MTUS2: variants seen among roughly 807,000 people sequenced by gnomAD.
MTUS2 encodes the protein microtubule-associated tumor suppressor candidate 2.
In MTUS2, 40 loss-of-function variants were observed where a neutral mutation model predicts 114.1. The observed-to-expected ratio is 0.35, with a 90% CI of 0.27 to 0.46. MTUS2 has a LOEUF of 0.46. Among genes scored for constraint, MTUS2 ranks in the 20% least tolerant of loss-of-function variants. The pLI is 1.00. For synonymous variants in MTUS2, 688 were observed against 672.0 expected (o/e 1.02, Z -0.37); for missense variants, 1,679 against 1,705.4 (o/e 0.98, Z 0.27).
At chr13:29,104,503 T>G (rs958297686) in intron 5 of MTUS2, among the ~76,000 whole-genome samples, 8 of 152,218 alleles carry the variant, frequency 5.3e-5, no homozygotes, top group African/African-American at 1.9e-4. Flanking sequence ...GGGAATGCTC[T>G]TAAGAGCTAG....
At chr13:29,501,559 A>G (rs1882903010) in intron 15 of MTUS2, among the ~76,000 whole-genome samples, 1 of 152,108 alleles carries the variant, frequency 6.6e-6, no homozygotes, top group Non-Finnish European at 1.5e-5. Context: ...GAAATTCACA[A>G]TTTCCATCCA....
At chr13:28,833,049 A>G (rs1874814967) in intron 1 of MTUS2, among the ~76,000 whole-genome samples, 1 of 152,194 alleles carries the variant, frequency 6.6e-6, no homozygotes, top group African/African-American at 2.4e-5. Context: ...GTGACCTATA[A>G]TGAGAAAGGA....
intron 8 of MTUS2, among the ~76,000 whole-genome samples, chr13:29,409,374 T>C (rs1427623160): frequency 6.6e-6 from 1 of 152,232 alleles, no homozygotes; most frequent in Non-Finnish European, 1.5e-5. Context: ...ATCTTTAGCC[T>C]TATATGCTAT....
chr13:29,112,384 G>A (rs1201791779), intron 5 of MTUS2, among the ~76,000 whole-genome samples: 6 of 152,164 alleles, frequency 3.9e-5, no homozygotes, highest in African/African-American at 1.4e-4. Context: ...GTGCTGTGGG[G>A]CTGAGATGTT....
chr13:28,976,621 G>T (rs771569172), intron 2 of MTUS2, among the ~76,000 whole-genome samples: 1 of 152,180 alleles, frequency 6.6e-6, no homozygotes, highest in Non-Finnish European at 1.5e-5. Context: ...TGGAAGTACA[G>T]TAGGAGGAGA....
intron 8 of MTUS2, among the ~76,000 whole-genome samples, chr13:29,389,193 A>G (rs988300474): frequency 4.0e-5 from 6 of 150,004 alleles, no homozygotes; most frequent in Middle Eastern, 3.6e-3. Context: ...CTATATATCT[A>G]TATAGATATA....
At chr13:29,454,949 A>C (rs1280330793) in intron 9 of MTUS2, among the ~76,000 whole-genome samples, 3 of 152,230 alleles carry the variant, frequency 2.0e-5, no homozygotes, top group African/African-American at 7.2e-5. Context: ...GCTATAAAGC[A>C]GACCAAACAT....
At chr13:29,172,513 G>A (rs1893605341) in intron 5 of MTUS2, among the ~76,000 whole-genome samples, 1 of 152,164 alleles carries the variant, frequency 6.6e-6, no homozygotes, top group Non-Finnish European at 1.5e-5. Flanking sequence ...GATATTTCAT[G>A]GAGAATTAAA....
chr13:29,212,594 C>T (rs1004029875), intron 5 of MTUS2, among the ~76,000 whole-genome samples: 1 of 151,906 alleles, frequency 6.6e-6, no homozygotes, highest in African/African-American at 2.4e-5. Flanking sequence ...GAGGTTCTCA[C>T]AATCTTCTCC....
At chr13:29,402,799 C>T (rs543023696) in intron 8 of MTUS2, among the ~76,000 whole-genome samples, 2 of 152,294 alleles carry the variant, frequency 1.3e-5, no homozygotes, top group South Asian at 2.1e-4. Context: ...CGCTCTGTCA[C>T]GATCTCACCT....
chr13:29,253,751 C>T (rs1005258788), intron 5 of MTUS2, among the ~76,000 whole-genome samples: 1 of 152,130 alleles, frequency 6.6e-6, no homozygotes, highest in Non-Finnish European at 1.5e-5. Flanking sequence ...CTCACAGTTC[C>T]ACATGTCTGG....
At chr13:29,023,851 T>C (rs1886394070) in intron 2 of MTUS2, among the ~76,000 whole-genome samples, 2 of 152,242 alleles carry the variant, frequency 1.3e-5, no homozygotes, top group African/African-American at 4.8e-5. Flanking sequence ...CCCTGAGAAC[T>C]AACTAATATC....
intron 6 of MTUS2, among the ~76,000 whole-genome samples, chr13:29,288,062 G>T (rs188888115): frequency 6.6e-6 from 1 of 152,360 alleles, no homozygotes; most frequent in African/African-American, 2.4e-5. Context: ...GAGGACAAGT[G>T]TAGAGGAAAG....
chr13:28,826,355 G>A (rs916129393), intron 1 of MTUS2, among the ~76,000 whole-genome samples: 9 of 152,122 alleles, frequency 5.9e-5, no homozygotes, highest in Non-Finnish European at 7.4e-5. Context: ...GATAGAAGAC[G>A]AGACTGTTTA....
intron 12 of MTUS2, among the ~76,000 whole-genome samples, chr13:29,495,756 A>C (rs979478909): frequency 6.6e-6 from 1 of 152,026 alleles, no homozygotes; most frequent in Non-Finnish European, 1.5e-5. Context: ...CTGTAGTCCC[A>C]GCTACTTGGA....
chr13:28,884,474 A>G (rs1466324630), intron 2 of MTUS2, among the ~76,000 whole-genome samples: 1 of 152,216 alleles, frequency 6.6e-6, no homozygotes, highest in Non-Finnish European at 1.5e-5. Flanking sequence ...ATGTCTGTAC[A>G]GCAGTGTAAA....
At chr13:28,905,371 G>A (rs1459702481) in intron 2 of MTUS2, among the ~76,000 whole-genome samples, 1 of 151,542 alleles carries the variant, frequency 6.6e-6, no homozygotes, top group Non-Finnish European at 1.5e-5. Context: ...TGTCCATTCA[G>A]TATGATATTG....
chr13:29,183,693 G>A (rs1363169306), intron 5 of MTUS2, among the ~76,000 whole-genome samples: 1 of 152,172 alleles, frequency 6.6e-6, no homozygotes, highest in East Asian at 1.9e-4. Flanking sequence ...GGAACAAACA[G>A]TGAAGTTGGA....
chr13:29,436,491 T>G lies in MTUS2; in HGVS notation c.3118-3492T>G, dbSNP rs571190346. Reference sequence around the variant, plus strand: ...TTGGTGGTGGACAGCATGAATCACCTGTAGTAATTAGTAAATAATACTTAG... The same window carrying G: ...TTGGTGGTGGACAGCATGAATCACCGGTAGTAATTAGTAAATAATACTTAG... On this transcript the variant is annotated intron_variant, in intron 8 of 15. Coordinates refer to ENST00000612955, the MANE Select transcript of MTUS2 (RefSeq NM_001033602.4). Among the ~76,000 whole-genome samples the G allele has an allele frequency of 3.3e-5, 5 of 152,364 alleles. No individual in the cohort carries two copies. The South Asian group carries it at 6.2e-4, about 19-fold the overall frequency.
Sources: allele counts gnomAD v4.1 joint callset (sites outside exome capture counted in the v4.1 genomes callset), GRCh38; gene constraint gnomAD v4.1.1; transcripts MANE v1.5; gene names NCBI Gene and HGNC (gene_info 2026-07-23, HGNC 2026-07-21).